Variants in SLC5A4 observed in about 807,000 individuals in gnomAD.
SLC5A4 encodes the protein probable glucose sensor protein SLC5A4.
SLC5A4 carries 55 observed loss-of-function variants against 70.3 expected under a neutral mutation model. The observed-to-expected ratio is 0.78, with a 90% CI of 0.63 to 0.98. The LOEUF (loss-of-function observed/expected upper bound fraction) is 0.98, where lower values mean the gene tolerates loss of function less well. Among genes scored for constraint, SLC5A4 ranks in the 50% least tolerant of loss-of-function variants. SLC5A4 has a pLI of 0.00. For synonymous variants in SLC5A4, 268 were observed against 305.7 expected, an observed-to-expected ratio of 0.88 and a Z score of 1.29; for missense variants, 735 against 839.2, an observed-to-expected ratio of 0.88 and a Z score of 1.53.
the SLC5A4 span, among the ~76,000 whole-genome samples, chr22:32,318,353 G>A: frequency 2.0e-5 from 3 of 151,744 alleles, no homozygotes; most frequent in African/African-American, 4.9e-5. Flanking sequence ...GTGTCTACTC[G>A]ATGTCACCAA....
the SLC5A4 span, chr22:32,271,301 G>A: frequency 2.7e-6 from 2 of 744,040 alleles, no homozygotes; most frequent in South Asian, 1.5e-5. Flanking sequence ...GAGGCCCGCA[G>A]GGAGGAGGCC....
At chr22:32,263,619 G>C in the SLC5A4 span, among the ~76,000 whole-genome samples, 1 of 152,182 alleles carries the variant, frequency 6.6e-6, no homozygotes, top group East Asian at 1.9e-4. Context: ...AATAAGTTCA[G>C]TCATTGTGGA....
At chr22:32,292,239 TATA>T in the SLC5A4 span, among the ~76,000 whole-genome samples, 1 of 77,808 alleles carries the variant, frequency 1.3e-5, no homozygotes, top group East Asian at 3.0e-4. Flanking sequence ...ATATTATATA[TATA>T]ATATATACTA....
the SLC5A4 span, among the ~76,000 whole-genome samples, chr22:32,346,943 G>A: frequency 0.028 from 4,178 of 151,370 alleles, 184 homozygotes; most frequent in African/African-American, 0.096. Flanking sequence ...GAAAATTTTC[G>A]CAACCTACTC....
chr22:32,350,319 T>C, the SLC5A4 span, among the ~76,000 whole-genome samples: 8 of 152,220 alleles, frequency 5.3e-5, no homozygotes, highest in Non-Finnish European at 1.2e-4. Flanking sequence ...ACACATACAG[T>C]TAGGCTCCAA....
the SLC5A4 span, among the ~76,000 whole-genome samples, chr22:32,354,332 T>C: frequency 0.07 from 10,478 of 148,982 alleles, 785 homozygotes; most frequent in East Asian, 0.46. Flanking sequence ...GTAATGAGCC[T>C]AACCCGTCCC....
the SLC5A4 span, among the ~76,000 whole-genome samples, chr22:32,336,986 A>G: frequency 6.6e-6 from 1 of 152,242 alleles, no homozygotes; most frequent in Non-Finnish European, 1.5e-5. Context: ...TGTTCCAGAG[A>G]AAGAAAAGCA....
the SLC5A4 span, chr22:32,272,767 G>T: frequency 2.0e-6 from 1 of 509,148 alleles, no homozygotes. Flanking sequence ...GAGGGGCTCA[G>T]CAAAAAGTCA....
At chr22:32,277,335 C>T in the SLC5A4 span, 1 of 152,044 alleles carries the variant, frequency 6.6e-6, no homozygotes, top group African/African-American at 2.4e-5. Context: ...CATGAGTCTC[C>T]CGGAAATGAT....
In SLC5A4 at chr22:32,242,621, ATTGC is replaced by A. The variant is rs530321051; in HGVS notation, c.478-3535_478-3532del. Among the ~76,000 whole-genome samples, 72 of 152,276 alleles carry A rather than the reference ATTGC, an allele frequency of 4.7e-4. 2 individuals carry two copies. The South Asian group carries it at 0.015, about 31-fold the overall frequency. ...CTACTTAGGAGGCTGAGGCAGGAGA[ATTGC>A]TTGAACCTGGCAGGCAGAGGTTGCA... is the stretch of plus-strand genomic sequence containing the variant. On this transcript the variant is annotated intron_variant, in intron 5 of 14. Coordinates refer to ENST00000266086, the MANE Select transcript of SLC5A4 (RefSeq NM_014227.3).
intron 3 of SLC5A4, among the ~76,000 whole-genome samples, chr22:32,250,010 AC>A (rs941214029): frequency 6.6e-6 from 1 of 152,068 alleles, no homozygotes; most frequent in African/African-American, 2.4e-5. Context: ...AAGATTGGAC[AC>A]CCCTGTGCTA....
At chr22:32,290,220 G>A in the SLC5A4 span, among the ~76,000 whole-genome samples, 3 of 152,122 alleles carry the variant, frequency 2.0e-5, no homozygotes, top group Admixed American at 1.3e-4. Context: ...GCATGCATTA[G>A]GTGTTTGTCC....
At chr22:32,322,030 G>A in the SLC5A4 span, among the ~76,000 whole-genome samples, 42 of 152,212 alleles carry the variant, frequency 2.8e-4, no homozygotes, top group African/African-American at 9.2e-4. Flanking sequence ...GGGGTGGACG[G>A]AGTAGGCTTG....
At chr22:32,318,415 A>C in the SLC5A4 span, among the ~76,000 whole-genome samples, 20 of 152,162 alleles carry the variant, frequency 1.3e-4, no homozygotes, top group Middle Eastern at 0.01. Context: ...CGAAAATCCC[A>C]ACCTTCCTCC....
intron 2 of SLC5A4, among the ~76,000 whole-genome samples, chr22:32,253,089 A>T (rs1927268105): frequency 6.6e-6 from 1 of 152,202 alleles, no homozygotes; most frequent in Non-Finnish European, 1.5e-5. Context: ...AATAAAATTC[A>T]TTTCAAACTT....
the SLC5A4 span, chr22:32,270,424 G>A: frequency 1.1e-5 from 16 of 1,393,758 alleles, no homozygotes; most frequent in African/African-American, 1.3e-4. Flanking sequence ...GACAGTCATC[G>A]CCCTGGTGCC....
Position 32,224,370 on chromosome 22 carries a change from A to G in SLC5A4, c.1562T>C (p.Ile521Thr). Residue 521 changes from isoleucine (I) to threonine (T), a missense_variant, in exon 13 of 15, where the codon ATC (isoleucine) becomes ACC (threonine). Physicochemically the swap from Ile to Thr is moderately conservative, Grantham distance 89. Transcript: ENST00000266086. ...AAAGTACAGATAGTGCACTCCACAG[A>G]TAATCTTGGGACAGTTACTGGGAGC... ...CLAPSNCPKI[I>T]CGVHYLYFSI... 1.2e-6 allele frequency: 2 copies of G among 1,614,124 alleles called. No homozygotes were observed. Among genetic ancestry groups the G allele is most frequent in the Non-Finnish European group, 1.7e-6 (2 of 1,179,984 alleles).
the SLC5A4 span, among the ~76,000 whole-genome samples, chr22:32,330,871 G>GCTGTGTATGAGTGTTGGGGGC: frequency 2.1e-5 from 2 of 96,328 alleles, 1 homozygote; most frequent in Admixed American, 2.5e-4. Context: ...GTGTTGGAGG[G>GCTGTGTATGAGTGTTGGGGGC]TCTGCTGTGT....
rs1337770143 is a variant in SLC5A4, at chr22:32,251,792, G to T, written c.290C>A (p.Ala97Asp). The T allele has an allele frequency of 1.9e-6, 3 of 1,612,352 alleles. No homozygotes were observed. The South Asian group carries it at 3.3e-5, about 18-fold the overall frequency. Residue 97 changes from alanine to aspartate, a missense_variant, in exon 3 of 15, where the codon GCC becomes GAC. Physicochemically the swap from Ala to Asp is moderately radical, Grantham distance 126. Transcript: ENST00000266086. ...TACAGTCCATTCAAATGTTACGGTGGCGACTCCTGAAGCTGCTCCTGTCCC... is the reference window on the plus strand; with the variant it reads ...TACAGTCCATTCAAATGTTACGGTGTCGACTCCTGAAGCTGCTCCTGTCCC... ...LAGTGAASGV[A>D]TVTFEWTSSV...
Sources: allele counts gnomAD v4.1 joint callset (sites outside exome capture counted in the v4.1 genomes callset), GRCh38; gene constraint gnomAD v4.1.1; transcripts MANE v1.5; gene names NCBI Gene and HGNC (gene_info 2026-07-23, HGNC 2026-07-21).